Variants in PAK1 observed in about 807,000 individuals in gnomAD.
PAK1 encodes serine/threonine-protein kinase PAK 1.
In PAK1, 29 loss-of-function variants were observed where a neutral mutation model predicts 67.4. The observed-to-expected ratio is 0.43, with a 90% confidence interval of 0.32 to 0.59. The LOEUF is 0.59. Ranked by LOEUF, PAK1 falls within the 20% of genes least tolerant of loss-of-function variation. The pLI is 0.07. For missense variants in PAK1, 337 were observed against 670.7 expected, an observed-to-expected ratio of 0.50 and a Z score of 5.50; for synonymous variants, 223 against 237.4, an observed-to-expected ratio of 0.94 and a Z score of 0.56.
chr11:77,473,092 T>C (rs1305926798), intron 1 of PAK1, among the ~76,000 whole-genome samples: 1 of 152,168 alleles, frequency 6.6e-6, no homozygotes, highest in Non-Finnish European at 1.5e-5. Flanking sequence ...AGTAGAACCC[T>C]AAAGGTGACT....
chr11:77,324,341 T>G (rs1939171891), intron 14 of PAK1, among the ~76,000 whole-genome samples: 1 of 151,816 alleles, frequency 6.6e-6, no homozygotes, highest in Non-Finnish European at 1.5e-5. Context: ...CCTGGCTAAT[T>G]TTTGTATTTT....
At chr11:77,340,877 T>G in intron 10 of PAK1, 114 bp from the exon 11 acceptor site, 1 of 710,964 alleles carries the variant, frequency 1.4e-6, no homozygotes, top group Non-Finnish European at 2.6e-6. Flanking sequence ...TAGCACAAAG[T>G]AAAGTAAAAG....
At chr11:77,440,361 C>A (rs890291067) in intron 1 of PAK1, among the ~76,000 whole-genome samples, 5 of 151,928 alleles carry the variant, frequency 3.3e-5, no homozygotes, top group Admixed American at 6.6e-5. Flanking sequence ...AATAGTGAGA[C>A]CCCCATCTCT....
intron 9 of PAK1, among the ~76,000 whole-genome samples, chr11:77,346,247 C>T (rs925927735): frequency 5.9e-5 from 9 of 152,220 alleles, no homozygotes; most frequent in African/African-American, 1.9e-4. Flanking sequence ...GCTGGGATTA[C>T]AGGCATGAGC....
chr11:77,409,989 A>G (rs540801461), intron 1 of PAK1, among the ~76,000 whole-genome samples: 130 of 152,212 alleles, frequency 8.5e-4, no homozygotes, highest in Non-Finnish European at 1.4e-3. Flanking sequence ...CCCAGACTAT[A>G]ATCTTTCTCT....
At chr11:77,408,829 G>C in intron 1 of PAK1, among the ~76,000 whole-genome samples, 1 of 152,086 alleles carries the variant, frequency 6.6e-6, no homozygotes, top group East Asian at 1.9e-4. Flanking sequence ...GCAAAGATCT[G>C]AACGGACATT....
intron 1 of PAK1, among the ~76,000 whole-genome samples, chr11:77,459,754 G>A (rs1366923978): frequency 6.8e-6 from 1 of 148,126 alleles, no homozygotes; most frequent in Non-Finnish European, 1.5e-5. Flanking sequence ...CTGCAGTGGC[G>A]CGATCTCAGC....
intron 1 of PAK1, among the ~76,000 whole-genome samples, chr11:77,404,321 G>A (rs191172877): frequency 6.6e-6 from 1 of 151,216 alleles, no homozygotes; most frequent in Non-Finnish European, 1.5e-5. Context: ...AGGCTGGAGT[G>A]CAGTGGCGCA....
At chr11:77,513,099 G>T in the PAK1 span, among the ~76,000 whole-genome samples, 2 of 152,016 alleles carry the variant, frequency 1.3e-5, no homozygotes, top group African/African-American at 2.4e-5. Context: ...CAGAGAAAAA[G>T]AAAAGAAAAT....
At chr11:77,417,528 T>C (rs1592395758) in intron 1 of PAK1, among the ~76,000 whole-genome samples, 1 of 152,318 alleles carries the variant, frequency 6.6e-6, no homozygotes, top group East Asian at 1.9e-4. Context: ...GGTGTAAAAC[T>C]ATACTGTATG....
the PAK1 span, among the ~76,000 whole-genome samples, chr11:77,490,474 G>A: frequency 1.1e-4 from 16 of 139,658 alleles, no homozygotes; most frequent in East Asian, 1.4e-3. Flanking sequence ...TCAGCCCCCC[G>A]CCCGGCCAGC....
chr11:77,507,297 C>T, the PAK1 span, among the ~76,000 whole-genome samples: 10 of 152,154 alleles, frequency 6.6e-5, no homozygotes, highest in Non-Finnish European at 1.5e-4. Context: ...CCATCAGCAA[C>T]CAGAGCACCT....
intron 1 of PAK1, among the ~76,000 whole-genome samples, chr11:77,440,685 A>G (rs974322697): frequency 2.0e-5 from 3 of 152,238 alleles, no homozygotes; most frequent in African/African-American, 7.2e-5. Context: ...AAGAAAACAG[A>G]CAGTAGGGAA....
chr11:77,516,200 G>A, the PAK1 span, among the ~76,000 whole-genome samples: 1 of 152,178 alleles, frequency 6.6e-6, no homozygotes, highest in Admixed American at 6.5e-5. Flanking sequence ...TTTAGGACTG[G>A]ACACACAGTG....
At chr11:77,376,824 C>G (rs969632134) in intron 4 of PAK1, among the ~76,000 whole-genome samples, 5 of 151,858 alleles carry the variant, frequency 3.3e-5, no homozygotes, top group African/African-American at 1.2e-4. Flanking sequence ...CGGTTATAGG[C>G]AGCAAAGGAG....
rs58728300 is a variant in PAK1, at chr11:77,329,993, GACAA to G, written c.1551+2733_1551+2736del. Among the ~76,000 whole-genome samples the G allele has an allele frequency of 7.9e-3, 1,200 of 151,976 alleles. 17 individuals carry two copies. Among genetic ancestry groups the G allele is most frequent in the African/African-American group, 0.028 (1,153 of 41,472 alleles). The stretch of plus-strand genomic sequence containing the variant: ...CAAGCATTCTTATACACCAATGACA[GACAA>G]ACAGAGAGCCAAATCATGAGTGAAC... On this transcript the variant is annotated intron_variant, in intron 14 of 14. Transcript: ENST00000356341.
intron 1 of PAK1, among the ~76,000 whole-genome samples, chr11:77,396,141 T>A (rs148358610): frequency 0.014 from 2,075 of 152,348 alleles, 18 homozygotes; most frequent in Non-Finnish European, 0.017. Flanking sequence ...CATTTCTCAG[T>A]CCTTTTACTA....
At chr11:77,370,746 A>C (rs1948318603) in intron 5 of PAK1, among the ~76,000 whole-genome samples, 1 of 152,228 alleles carries the variant, frequency 6.6e-6, no homozygotes, top group South Asian at 2.1e-4. Flanking sequence ...TGAAATTAAG[A>C]AATTTGAGAT....
At chr11:77,513,133 T>A in the PAK1 span, among the ~76,000 whole-genome samples, 1 of 152,084 alleles carries the variant, frequency 6.6e-6, no homozygotes, top group African/African-American at 2.4e-5. Flanking sequence ...GCTCTTTGAC[T>A]CTTTGACGTC....
Sources: allele counts gnomAD v4.1 joint callset (sites outside exome capture counted in the v4.1 genomes callset), GRCh38; gene constraint gnomAD v4.1.1; transcripts MANE v1.5; gene names NCBI Gene and HGNC (gene_info 2026-07-23, HGNC 2026-07-21).